Variants in FRMPD3 observed in about 807,000 individuals in gnomAD.
The protein encoded by FRMPD3 is FERM and PDZ domain-containing protein 3.
FRMPD3 carries 42 observed loss-of-function variants against 97.9 expected under a neutral mutation model. The observed-to-expected ratio is 0.43, with a 90% CI of 0.34 to 0.55. FRMPD3 has a LOEUF of 0.55. Ranked by LOEUF, FRMPD3 falls within the 20% of genes least tolerant of loss-of-function variation. FRMPD3 has a pLI of 0.03. For missense variants in FRMPD3, 1,303 were observed against 1,457.7 expected (o/e 0.89, Z 1.73); for synonymous variants, 577 against 581.1 (o/e 0.99, Z 0.10).
chrX:107,453,022 GGACAA>G (rs1931316844), intron 1 of FRMPD3, among the ~76,000 whole-genome samples: 2 of 110,620 alleles, frequency 1.8e-5, no homozygotes, highest in Non-Finnish European at 3.8e-5. Flanking sequence ...GGTGGATGCA[GGACAA>G]CGGAAGCACT....
intron 12 of FRMPD3, among the ~76,000 whole-genome samples, chrX:107,575,523 T>C (rs1373000232): frequency 9.1e-6 from 1 of 110,339 alleles, no homozygotes; most frequent in African/African-American, 3.3e-5. Flanking sequence ...CCATCTTGGC[T>C]CACTGCAACC....
In FRMPD3 at chrX:107,576,306, C is replaced by A; in HGVS notation, c.1297-9C>A. 1 of 1,209,042 alleles carries A rather than the reference C, an allele frequency of 8.3e-7. No homozygotes were observed. Reference sequence around the variant, plus strand: ...CATGTCTTCATGTTTCTTCCCTTCTCTTCTGCAGCCTCTGGTGCTGTTGAT... The same window carrying A: ...CATGTCTTCATGTTTCTTCCCTTCTATTCTGCAGCCTCTGGTGCTGTTGAT... On this transcript the variant is annotated splice_polypyrimidine_tract_variant and intron_variant, in intron 12 of 14. Transcript: ENST00000683843.
intron 4 of FRMPD3, among the ~76,000 whole-genome samples, chrX:107,543,818 A>G (rs989573864): frequency 2.0e-5 from 2 of 98,257 alleles, no homozygotes; most frequent in African/African-American, 3.8e-5. Flanking sequence ...TCCTTCTCAG[A>G]AAAAAAAAAA....
rs543151324 is a variant in FRMPD3, at chrX:107,483,795, C to T, written c.-8+33790C>T. ...CATCCTGGGTCTGTAGGGCCTAATG[C>T]GGGCGTGGGGTAGGGGTGGGGTTCG... On this transcript the variant is annotated intron_variant, in intron 1 of 14. Coordinates refer to ENST00000683843, the MANE Select transcript of FRMPD3 (RefSeq NM_001388459.1). Among the ~76,000 whole-genome samples the T allele has an allele frequency of 2.7e-5, 3 of 111,520 alleles. No homozygotes were observed. In the South Asian group the frequency reaches 1.1e-3, roughly 43 times the overall value.
Position 107,583,992 on chromosome X carries a change from G to A in FRMPD3, c.1441+7533G>A, listed in dbSNP as rs1026612312. ...CAAGCAACTCTTGCCTCAGCCTCCCGAGTAGCTGCAACTACAGGCGCCTGC... is the reference window on the plus strand; with the variant it reads ...CAAGCAACTCTTGCCTCAGCCTCCCAAGTAGCTGCAACTACAGGCGCCTGC... On this transcript the variant is annotated intron_variant, in intron 13 of 14. Transcript: ENST00000683843. Among the ~76,000 whole-genome samples the A allele has an allele frequency of 2.3e-4, 24 of 106,428 alleles. 1 individual carries two copies. The Admixed American group carries it at 2.3e-3, about 10-fold the overall frequency. 92.4% of individuals were successfully genotyped at this position (106,428 alleles called of 115,157 possible).
At position 107,603,235 on chromosome X, in the gene FRMPD3, G is replaced by A; in HGVS notation, c.5196G>A (p.Gln1732=). 8.8e-7 allele frequency: 1 copy of A among 1,133,757 alleles called. No homozygotes were observed. The highest frequency in any genetic ancestry group is 1.2e-6 in the Non-Finnish European group (1 of 855,465). The allele number at this position is 1,133,757 out of a possible 1,213,427, so 93.4% of individuals were successfully genotyped here. A position where few individuals can be genotyped will look rare whatever the true frequency, so the allele number is the denominator to read the frequency against. Residue 1732 remains glutamine, a synonymous_variant, in exon 15 of 15, where the codon CAG becomes CAA. Coordinates refer to ENST00000683843, the MANE Select transcript of FRMPD3 (RefSeq NM_001388459.1). ...AGCAGCAGCAGCAACAACAACAGCAGCAGCAACAACAACAGCAGCAGCAGC... is the reference window on the plus strand; with the variant it reads ...AGCAGCAGCAGCAACAACAACAGCAACAGCAACAACAACAGCAGCAGCAGC... ...QQQQQQQQQQ[Q]QQQQQQQQQQ...
Position 107,597,853 on chromosome X carries a change from G to A in FRMPD3, c.1974G>A (p.Glu658=). The change falls in exon 14 of 15, where the codon GAG becomes GAA. Residue 658 remains glutamate, a synonymous_variant. Coordinates refer to ENST00000683843, the MANE Select transcript of FRMPD3 (RefSeq NM_001388459.1). The part of the protein sequence containing the change: ...GSEEEEEEED[E]TTSLLPAIAA... ...AGGAGGAGGAGGAGGAGGAAGATGA[G>A]ACAACTTCTCTGTTGCCAGCCATTG... 2 of 1,197,946 alleles carry A rather than the reference G, an allele frequency of 1.7e-6. No individual in the cohort carries two copies. Among genetic ancestry groups the A allele is most frequent in the Non-Finnish European group, 1.1e-6 (1 of 889,257 alleles).
chrX:107,524,266 C>T (rs1431483278), intron 1 of FRMPD3, among the ~76,000 whole-genome samples: 1 of 112,825 alleles, frequency 8.9e-6, no homozygotes, highest in Non-Finnish European at 1.9e-5. Flanking sequence ...TGTGGCCACC[C>T]TCAGAGGGTC....
rs375881611 is a variant in FRMPD3, at chrX:107,602,915, G to A, written c.4876G>A (p.Glu1626Lys). 143 of 1,210,009 alleles carry A rather than the reference G, an allele frequency of 1.2e-4. No individual in the cohort carries two copies. The highest frequency in any genetic ancestry group is 1.5e-4 in the Non-Finnish European group (133 of 895,269). ...APKPYVSQISEYKLELALKFK... is the reference protein window; with the variant it reads ...APKPYVSQISKYKLELALKFK... ...CAAGCCCTATGTGTCTCAGATCTCC[G>A]AGTATAAGCTTGAGCTAGCTCTCAA... is the stretch of plus-strand genomic sequence containing the variant. Residue 1626 changes from glutamate (E) to lysine (K), a missense_variant, in exon 15 of 15, where the codon GAG becomes AAG. This residue lies in a region of FRMPD3 where 764 missense variants were observed against 820.2 expected (regional missense o/e 0.93). Coordinates refer to ENST00000683843, the MANE Select transcript of FRMPD3 (RefSeq NM_001388459.1).
chrX:107,567,613 A>C (rs185775813), intron 12 of FRMPD3, among the ~76,000 whole-genome samples: 103 of 111,825 alleles, frequency 9.2e-4, no homozygotes, highest in African/African-American at 3.3e-3. Context: ...GCAGGTCGAT[A>C]AGCATAGTTG....
At chrX:107,497,466 C>G (rs1313364912) in intron 1 of FRMPD3, among the ~76,000 whole-genome samples, 1 of 112,302 alleles carries the variant, frequency 8.9e-6, no homozygotes, top group Non-Finnish European at 1.9e-5. Context: ...TGCAGCAGAC[C>G]ATTTGTAACT....
At chrX:107,516,019 TC>T (rs2063069445) in intron 1 of FRMPD3, among the ~76,000 whole-genome samples, 1 of 59,806 alleles carries the variant, frequency 1.7e-5, no homozygotes, top group Non-Finnish European at 3.0e-5. Flanking sequence ...ATGCTATCCC[TC>T]CCCCCTCCCC....
intron 13 of FRMPD3, among the ~76,000 whole-genome samples, chrX:107,594,727 C>A (rs902591617): frequency 5.4e-5 from 6 of 110,844 alleles, no homozygotes; most frequent in Non-Finnish European, 1.1e-4. Context: ...ACTAAACATA[C>A]AAAATTAACC....
intron 13 of FRMPD3, among the ~76,000 whole-genome samples, chrX:107,592,990 C>A (rs1443550960): frequency 9.1e-6 from 1 of 110,072 alleles, no homozygotes; most frequent in Non-Finnish European, 1.9e-5. Flanking sequence ...GTTGGTCAGG[C>A]TGGTCTCGAA....
intron 1 of FRMPD3, among the ~76,000 whole-genome samples, chrX:107,526,111 T>C (rs1017489749): frequency 2.7e-5 from 3 of 111,433 alleles, no homozygotes; most frequent in African/African-American, 9.8e-5. Context: ...ATTTAAAATA[T>C]TGCATCAGGG....
chrX:107,577,091 G>A (rs1454075045), intron 13 of FRMPD3, among the ~76,000 whole-genome samples: 2 of 101,364 alleles, frequency 2.0e-5, no homozygotes, highest in African/African-American at 7.4e-5. Context: ...TTGGGAGGCT[G>A]AGGCAGGCGG....
chrX:107,584,563 T>A (rs1366702620), intron 13 of FRMPD3, among the ~76,000 whole-genome samples: 2 of 112,311 alleles, frequency 1.8e-5, no homozygotes, highest in Non-Finnish European at 3.7e-5. Flanking sequence ...CTTCTAGAGT[T>A]TTTATGATTT....
At chrX:107,595,949 A>G (rs1267974940) in intron 13 of FRMPD3, among the ~76,000 whole-genome samples, 4 of 109,835 alleles carry the variant, frequency 3.6e-5, no homozygotes, top group East Asian at 5.7e-4. Flanking sequence ...AAAAAAAAAA[A>G]AAAGAAAAGA....
chrX:107,502,289 G>A (rs1184925777), intron 1 of FRMPD3, among the ~76,000 whole-genome samples: 2 of 110,850 alleles, frequency 1.8e-5, no homozygotes, highest in South Asian at 4.0e-4. Flanking sequence ...CTCCGGCTAC[G>A]AGCAGAAAGG....
Sources: gnomAD v4.1 joint callset for allele counts (sites outside exome capture counted in the v4.1 genomes callset) on GRCh38, gnomAD v4.1.1 for gene constraint, gnomAD v4.1.1 regional missense constraint, MANE v1.5 for transcripts, NCBI Gene and HGNC (gene_info 2026-07-23, HGNC 2026-07-21) for gene names.